Variants in ARHGAP8 observed in about 807,000 individuals in gnomAD.
ARHGAP8 encodes rho GTPase-activating protein 8.
A neutral mutation model predicts 46.1 loss-of-function variants in ARHGAP8; 62 were observed. The observed-to-expected ratio is 1.34, with a 90% CI of 1.10 to 1.66. The LOEUF (loss-of-function observed/expected upper bound fraction) is 1.66. ARHGAP8 is among the 40% of genes most tolerant of loss of function. The pLI, the probability that ARHGAP8 is intolerant of heterozygous loss-of-function variation, is 0.00. For missense variants in ARHGAP8, 923 were observed against 568.4 expected, an observed-to-expected ratio of 1.62 and a Z score of -6.34; for synonymous variants, 375 against 243.1, an observed-to-expected ratio of 1.54 and a Z score of -5.05.
intron 11 of ARHGAP8, among the ~76,000 whole-genome samples, chr22:44,860,604 T>G (rs2070428668): frequency 6.7e-6 from 1 of 150,024 alleles, no homozygotes. Flanking sequence ...AGATTCTCTG[T>G]GGTCTATCTT....
chr22:44,790,007 T>C (rs1602178569), intron 2 of ARHGAP8, among the ~76,000 whole-genome samples: 1 of 152,326 alleles, frequency 6.6e-6, no homozygotes, highest in East Asian at 1.9e-4. Context: ...TTTAAAAACT[T>C]TAATTGCAAG....
intron 4 of ARHGAP8, chr22:44,808,976 C>T (rs1208386721): frequency 2.4e-6 from 1 of 408,516 alleles, no homozygotes; most frequent in Non-Finnish European, 4.9e-6. Flanking sequence ...CACCACCATG[C>T]CTAGCTAATT....
rs1293740336 is a variant in ARHGAP8, at chr22:44,850,285, C to CT, written c.877+1228dup. The CT allele has an allele frequency of 2.0e-5, 3 of 152,270 alleles. No individual in the cohort carries two copies. The East Asian group carries it at 5.8e-4, about 29-fold the overall frequency. 9.4% of individuals were successfully genotyped at this position (152,270 alleles called of 1,614,324 possible). ...ATGAAAGATGTTGAGGGCTGACTGA[C>CT]TTTGGCTAGTGGATGGGAAGCCTGG... On this transcript the variant is annotated intron_variant, in intron 10 of 11. Coordinates refer to ENST00000356099, the MANE Select transcript of ARHGAP8 (RefSeq NM_181335.3).
intron 2 of ARHGAP8, among the ~76,000 whole-genome samples, chr22:44,795,278 G>A (rs1035730500): frequency 6.6e-6 from 1 of 152,108 alleles, no homozygotes; most frequent in African/African-American, 2.4e-5. Flanking sequence ...GTGACCCAGT[G>A]TGGGCTCTGG....
In ARHGAP8 at chr22:44,810,087, C is replaced by CTGAGG. The variant is rs1929227425; in HGVS notation, c.299+1649_299+1650insTGAGG. On this transcript the variant is annotated intron_variant, in intron 4 of 11. Transcript: ENST00000356099. ...GGTTGTCCTGGGAGAATCAATAGCC[C>CTGAGG]CTTCCCTGCAGCCTCACTGTGCCTA... Among the ~76,000 whole-genome samples the CTGAGG allele has an allele frequency of 3.3e-5, 5 of 152,282 alleles. No homozygotes were observed. The South Asian group carries it at 1.0e-3, about 32-fold the overall frequency.
intron 10 of ARHGAP8, 181 bp downstream of exon 10, chr22:44,849,241 C>T (rs2147168209): frequency 8.5e-7 from 1 of 1,170,980 alleles, no homozygotes; most frequent in Non-Finnish European, 1.2e-6. Flanking sequence ...CATGCACAGC[C>T]AGTCCACACT....
intron 2 of ARHGAP8, among the ~76,000 whole-genome samples, chr22:44,795,465 C>T (rs1040815698): frequency 2.0e-5 from 3 of 152,024 alleles, no homozygotes; most frequent in Non-Finnish European, 4.4e-5. Flanking sequence ...TTGGCTTCAC[C>T]CCACACCCCC....
chr22:44,762,796 A>T (rs981103499), intron 1 of ARHGAP8, among the ~76,000 whole-genome samples: 4 of 152,000 alleles, frequency 2.6e-5, no homozygotes, highest in African/African-American at 9.7e-5. Flanking sequence ...CACCTGCCTC[A>T]GCCTCCCAAA....
intron 1 of ARHGAP8, among the ~76,000 whole-genome samples, chr22:44,768,577 G>C (rs1163028119): frequency 6.6e-6 from 1 of 152,064 alleles, no homozygotes; most frequent in Non-Finnish European, 1.5e-5. Flanking sequence ...AAAGCACTGG[G>C]ATTTTGGGCA....
intron 10 of ARHGAP8, among the ~76,000 whole-genome samples, chr22:44,853,927 T>G (rs1025453710): frequency 1.4e-5 from 2 of 146,578 alleles, no homozygotes; most frequent in African/African-American, 2.5e-5. Flanking sequence ...CTCGGGAGGC[T>G]GAGGCAGGAG....
At chr22:44,812,318 C>T (rs1929391588) in intron 4 of ARHGAP8, among the ~76,000 whole-genome samples, 1 of 151,646 alleles carries the variant, frequency 6.6e-6, no homozygotes. Context: ...GCTACTGCCC[C>T]CCGCCCCGCC....
chr22:44,784,655 C>T (rs1450304040), intron 1 of ARHGAP8, among the ~76,000 whole-genome samples: 4 of 152,140 alleles, frequency 2.6e-5, no homozygotes, highest in African/African-American at 4.8e-5. Flanking sequence ...GGATAATCCA[C>T]GATAACCCAC....
intron 7 of ARHGAP8, among the ~76,000 whole-genome samples, chr22:44,841,444 C>T (rs1188752858): frequency 2.0e-5 from 3 of 152,128 alleles, no homozygotes; most frequent in African/African-American, 7.2e-5. Flanking sequence ...AGCTCTCACG[C>T]CTGCTCCCTG....
rs533798886 is a variant in ARHGAP8, at chr22:44,774,705, T to C, written c.-71-11752T>C. ...ACCTGGCTAATTTTTGTGTTTTTAG[T>C]AGAGACGGATTTTACCGTGTTGGCC... On this transcript the variant is annotated intron_variant, in intron 1 of 11. Transcript: ENST00000356099. 1.4e-4 allele frequency among the ~76,000 whole-genome samples: 22 copies of C among 151,924 alleles called. No individual in the cohort carries two copies. In the South Asian group the frequency reaches 2.7e-3, roughly 19 times the overall value.
At chr22:44,781,868 T>C (rs1337136572) in intron 1 of ARHGAP8, among the ~76,000 whole-genome samples, 1 of 151,624 alleles carries the variant, frequency 6.6e-6, no homozygotes, top group East Asian at 1.9e-4. Flanking sequence ...AGGATCTTGC[T>C]GTGTTGCCCA....
chr22:44,784,746 G>C (rs1003974349), intron 1 of ARHGAP8, among the ~76,000 whole-genome samples: 2 of 152,208 alleles, frequency 1.3e-5, no homozygotes, highest in Non-Finnish European at 2.9e-5. Context: ...TCCAGGGAGC[G>C]GGATGTGGAC....
chr22:44,844,680 C>G (rs2069910978), intron 7 of ARHGAP8, among the ~76,000 whole-genome samples: 1 of 152,168 alleles, frequency 6.6e-6, no homozygotes, highest in South Asian at 2.1e-4. Flanking sequence ...CAAGGCTACT[C>G]TTGAACTCCT....
At chr22:44,817,318 CCAAAGAG>C (rs111947118) in intron 5 of ARHGAP8, among the ~76,000 whole-genome samples, 3,591 of 152,322 alleles carry the variant, frequency 0.024, 131 homozygotes, top group African/African-American at 0.073. Flanking sequence ...ATTTTTGGGG[CCAAAGAG>C]CTCCTTTCAT....
intron 1 of ARHGAP8, among the ~76,000 whole-genome samples, chr22:44,768,677 A>T (rs1173257311): frequency 4.6e-5 from 7 of 151,954 alleles, no homozygotes; most frequent in African/African-American, 1.7e-4. Flanking sequence ...CCGAAGGCTT[A>T]ATTAGATTCA....
Sources: gnomAD v4.1 joint callset for allele counts (sites outside exome capture counted in the v4.1 genomes callset) on GRCh38, gnomAD v4.1.1 for gene constraint, MANE v1.5 for transcripts, NCBI Gene and HGNC (gene_info 2026-07-23, HGNC 2026-07-21) for gene names.